GYS1: variants seen among roughly 807,000 people sequenced by gnomAD.
GYS1 encodes the protein glycogen [starch] synthase, muscle.
In GYS1, 60 loss-of-function variants were observed where a neutral mutation model predicts 89.1. The observed-to-expected ratio is 0.67, with a 90% CI of 0.55 to 0.84. GYS1 has a LOEUF of 0.84. GYS1 is among the 40% of genes least tolerant of loss of function. The pLI is 0.00. For synonymous variants in GYS1, 366 were observed against 401.7 expected (o/e 0.91, Z 1.06); for missense variants, 888 against 1,003.1 (o/e 0.89, Z 1.55).
intron 8 of GYS1, among the ~76,000 whole-genome samples, chr19:48,979,419 G>A (rs4801785): frequency 0.4 from 53,154 of 131,326 alleles, 10,213 homozygotes; most frequent in Middle Eastern, 0.62. Flanking sequence ...GCGCAATCTC[G>A]GCCACTTTCT....
chr19:48,970,579 G>T lies in GYS1; in HGVS notation c.1776C>A (p.Leu592=). 1 of 1,613,900 alleles carries T rather than the reference G, an allele frequency of 6.2e-7. No homozygotes were observed. The highest frequency in any genetic ancestry group is 8.5e-7 in the Non-Finnish European group (1 of 1,179,900). Residue 592 remains leucine (L), a synonymous_variant, in exon 14 of 16, where the codon CTC becomes CTA. Transcript: ENST00000323798. ...GGTATTTCCAGTCCAGAAGGTCGGA[G>T]AGGCGCTCCGTGCGGTTCCGCTGGA... ...RIIQRNRTER[L]SDLLDWKYLG... is the part of the protein sequence containing the mutation.
chr19:48,973,234 C>G (rs2038592948), intron 12 of GYS1, among the ~76,000 whole-genome samples: 1 of 152,262 alleles, frequency 6.6e-6, no homozygotes, highest in Non-Finnish European at 1.5e-5. Context: ...CTTTCTTCCC[C>G]TTCTGCCATG....
rs886054568 is a variant in GYS1, at chr19:48,969,512, G to C, written c.1990C>G (p.Arg664Gly). 6.5e-7 allele frequency: 1 copy of C among 1,543,998 alleles called. No homozygotes were observed. Among genetic ancestry groups the C allele is most frequent in the African/African-American group, 1.4e-5 (1 of 73,096 alleles). ...CCGTCTTCCTCCAGCGGCCCGTTCC[G>C]GGGATCCTCCTCGTCCTCACTCTGG... Reference protein sequence around the residue: ...PHQSEDEEDPRNGPLEEDGER... With the variant: ...PHQSEDEEDPGNGPLEEDGER... Residue 664 changes from arginine (R) to glycine (G), a missense_variant, in exon 16 of 16, where the codon CGG (arginine) becomes GGG (glycine). Transcript: ENST00000323798.
In GYS1 at chr19:48,976,885, C is replaced by A. The variant is rs549605382; in HGVS notation, c.1308+1039G>T. On this transcript the variant is annotated intron_variant, in intron 10 of 15. Transcript: ENST00000323798. ...CTCACTGCAGCCTTGACCTCCTGAG[C>A]TCAAGGCATCCTCTGGCCTCAGCCT... Among the ~76,000 whole-genome samples the A allele has an allele frequency of 1.4e-4, 22 of 152,236 alleles. No homozygotes were observed. The South Asian group carries it at 4.6e-3, about 32-fold the overall frequency.
Position 48,982,349 on chromosome 19 carries a change from G to T in GYS1, c.968C>A (p.Thr323Asn). The change falls in exon 7 of 16, where the codon ACC (threonine) becomes AAC (asparagine). Residue 323 changes from threonine to asparagine, a missense_variant. Coordinates refer to ENST00000323798, the MANE Select transcript of GYS1 (RefSeq NM_002103.5). ...YGHLDFNLDK[T>N]LYFFIAGRYE... Reference sequence around the variant, plus strand: ...GCGGCCGGCGATAAAGAAGTATAAGGTCTTGTCCAAGTTGAAGTCCAGATG... The same window carrying T: ...GCGGCCGGCGATAAAGAAGTATAAGTTCTTGTCCAAGTTGAAGTCCAGATG... The T allele has an allele frequency of 6.2e-7, 1 of 1,613,836 alleles. No homozygotes were observed. Among genetic ancestry groups the T allele is most frequent in the Non-Finnish European group, 8.5e-7 (1 of 1,179,896 alleles).
intron 10 of GYS1, 132 bp downstream of exon 10, chr19:48,977,792 A>C (rs908790072): frequency 4.0e-6 from 3 of 749,300 alleles, no homozygotes; most frequent in South Asian, 2.9e-5. Flanking sequence ...GGACCTCAGA[A>C]TAGATCCCTT....
chr19:48,968,287 T>A lies in GYS1; in HGVS notation c.*1001A>T. The A allele has an allele frequency of 2.2e-6, 1 of 454,176 alleles. No homozygotes were observed. Among genetic ancestry groups the A allele is most frequent in the Non-Finnish European group, 4.4e-6 (1 of 226,712 alleles). 28.1% of individuals were successfully genotyped at this position (454,176 alleles called of 1,614,324 possible). A position where few individuals can be genotyped will look rare whatever the true frequency, so the allele number is the denominator to read the frequency against. The stretch of plus-strand genomic sequence containing the variant: ...CACCAAAGCTGAAGGCAGGGCACAG[T>A]TTGGGGATGGAAGAGCCTCGAGGTA... On this transcript the variant is annotated 3_prime_UTR_variant, in exon 16 of 16. Transcript: ENST00000323798.
At chr19:48,972,364 G>C (rs2038579664) in intron 12 of GYS1, among the ~76,000 whole-genome samples, 1 of 151,778 alleles carries the variant, frequency 6.6e-6, no homozygotes, top group Non-Finnish European at 1.5e-5. Context: ...TATAGAGACA[G>C]GGTCTCACCA....
At chr19:48,980,478 A>C (rs548032281) in intron 8 of GYS1, among the ~76,000 whole-genome samples, 2 of 152,092 alleles carry the variant, frequency 1.3e-5, no homozygotes, top group Admixed American at 1.3e-4. Context: ...ACGTGGTGAA[A>C]TCCCATCGGT....
chr19:48,987,358 C>A lies in GYS1; in HGVS notation c.328G>T (p.Gly110Ter). The change falls in exon 3 of 16, where the codon GGA becomes TGA. Residue 110 changes from glycine to a stop codon, truncating the protein, a stop_gained. Coordinates refer to ENST00000323798, the MANE Select transcript of GYS1 (RefSeq NM_002103.5). LOFTEE classifies it high-confidence loss of function. ...KVYFGRWLIE[G>*]GPLVVLLDVG... ...TCCAGGAGCACCACCAGAGGGCCTC[C>A]CTCGATCAGCCAGCGCCCGAAATAC... The A allele has an allele frequency of 6.2e-7, 1 of 1,608,606 alleles. No homozygotes were observed. The highest frequency in any genetic ancestry group is 8.5e-7 in the Non-Finnish European group (1 of 1,176,980).
chr19:48,989,092 T>A (rs569991316), intron 2 of GYS1, among the ~76,000 whole-genome samples: 250 of 151,702 alleles, frequency 1.6e-3, no homozygotes, highest in Non-Finnish European at 2.9e-3. Flanking sequence ...TCCCTCCCTC[T>A]CTCCTTTTTC....
At chr19:48,985,327 A>G (rs1035025678) in intron 5 of GYS1, 134 bp downstream of exon 5, 2 of 885,550 alleles carry the variant, frequency 2.3e-6, no homozygotes, top group African/African-American at 3.3e-5. Flanking sequence ...GTGAGCCACC[A>G]TGCCCAGCCG....
intron 8 of GYS1, among the ~76,000 whole-genome samples, chr19:48,979,629 G>A (rs1406192243): frequency 5.6e-5 from 8 of 144,088 alleles, no homozygotes; most frequent in African/African-American, 1.0e-4. Flanking sequence ...GAGCCACCGC[G>A]CCCAGCCTCT....
rs1297282558 is a variant in GYS1, at chr19:48,993,210, G to C, written c.-98C>G. The stretch of plus-strand genomic sequence containing the variant: ...TAGGGTGCGGGGCCGAGTAGCTGGT[G>C]CCCGACGGGAAGCTTGCAAGACGCT... On this transcript the variant is annotated 5_prime_UTR_variant, in exon 1 of 16. Transcript: ENST00000323798. The C allele has an allele frequency of 3.8e-6, 3 of 782,418 alleles. No individual in the cohort carries two copies. Among genetic ancestry groups the C allele is most frequent in the Non-Finnish European group, 7.0e-6 (3 of 430,882 alleles). 48.5% of individuals were successfully genotyped at this position (782,418 alleles called of 1,614,324 possible). A position where few individuals can be genotyped will look rare whatever the true frequency, so the allele number is the denominator to read the frequency against.
At chr19:48,974,841 C>T (rs2038620814) in intron 10 of GYS1, 108 bp from the exon 11 acceptor site, 6 of 730,018 alleles carry the variant, frequency 8.2e-6, no homozygotes, top group South Asian at 3.1e-5. Context: ...ACAAATGCAC[C>T]GGACGTGGGG....
intron 12 of GYS1, among the ~76,000 whole-genome samples, chr19:48,973,211 T>C (rs1238485601): frequency 6.6e-6 from 1 of 152,162 alleles, no homozygotes; most frequent in Non-Finnish European, 1.5e-5. Flanking sequence ...CCTGCCGCCA[T>C]GAGAAGAAGC....
intron 2 of GYS1, among the ~76,000 whole-genome samples, chr19:48,989,830 C>T (rs955962937): frequency 6.6e-6 from 1 of 152,220 alleles, no homozygotes; most frequent in African/African-American, 2.4e-5. Context: ...TCTGCCTCTG[C>T]CACATTTCTC....
chr19:48,969,888 T>A (rs2038529784), intron 14 of GYS1, 33 bp from the exon 15 acceptor site: 3 of 1,510,642 alleles, frequency 2.0e-6, no homozygotes, highest in South Asian at 2.2e-5. Flanking sequence ...GCAGAGGATG[T>A]GAGAGCCAGG....
At chr19:48,971,166 C>CA (rs1252716592) in intron 12 of GYS1, 143 bp from the exon 13 acceptor site, 1 of 710,596 alleles carries the variant, frequency 1.4e-6, no homozygotes. Context: ...CCCCCACAAC[C>CA]AGGCTGTGCA....
Sources: gnomAD v4.1 joint callset for allele counts (sites outside exome capture counted in the v4.1 genomes callset) on GRCh38, gnomAD v4.1.1 for gene constraint, MANE v1.5 for transcripts, NCBI Gene and HGNC (gene_info 2026-07-23, HGNC 2026-07-21) for gene names.